The following SYN3 variants were observed in gnomAD, a reference collection of about 807,000 sequenced individuals.
The protein encoded by SYN3 is synapsin III.
In SYN3, 35 loss-of-function variants were observed where a neutral mutation model predicts 65.8. That is an observed-to-expected ratio of 0.53 (90% CI 0.41 to 0.70). SYN3 has a LOEUF of 0.70. Among genes scored for constraint, SYN3 ranks in the 30% least tolerant of loss-of-function variants. The pLI is 0.00. For missense variants in SYN3, 680 were observed against 749.0 expected, an observed-to-expected ratio of 0.91 and a Z score of 1.08; for synonymous variants, 270 against 292.9, an observed-to-expected ratio of 0.92 and a Z score of 0.80.
chr22:32,565,781 G>A (rs1005549163), intron 7 of SYN3, among the ~76,000 whole-genome samples: 6 of 151,194 alleles, frequency 4.0e-5, no homozygotes, highest in African/African-American at 1.5e-4. Context: ...GCACGATCTC[G>A]GCTCACTGCA....
intron 2 of SYN3, among the ~76,000 whole-genome samples, chr22:33,002,538 G>C (rs1190475864): frequency 6.6e-6 from 1 of 152,112 alleles, no homozygotes; most frequent in Admixed American, 6.5e-5. Flanking sequence ...CAGCTACTTG[G>C]GAGGCTGAGG....
chr22:33,058,051 G>C (rs1221382414), intron 1 of SYN3, among the ~76,000 whole-genome samples: 4 of 152,008 alleles, frequency 2.6e-5, no homozygotes, highest in Non-Finnish European at 2.9e-5. Flanking sequence ...CCCGCACGCC[G>C]ATCTGTCTGT....
At chr22:32,965,592 G>A (rs2146911346) in intron 3 of SYN3, among the ~76,000 whole-genome samples, 1 of 152,038 alleles carries the variant, frequency 6.6e-6, no homozygotes, top group African/African-American at 2.4e-5. Flanking sequence ...TTGTGTGTGT[G>A]CGTAAGAGAG....
At chr22:33,036,657 A>T (rs1356681875) in intron 1 of SYN3, among the ~76,000 whole-genome samples, 2 of 147,958 alleles carry the variant, frequency 1.4e-5, no homozygotes, top group Admixed American at 1.3e-4. Flanking sequence ...AAATTTTTTT[A>T]AATGCTGTAA....
intron 6 of SYN3, among the ~76,000 whole-genome samples, chr22:32,806,985 C>T (rs2046758988): frequency 6.6e-6 from 1 of 151,802 alleles, no homozygotes; most frequent in South Asian, 2.1e-4. Flanking sequence ...CCACATAATA[C>T]CACATATAGT....
chr22:32,708,458 A>T (rs1331497972), intron 6 of SYN3, among the ~76,000 whole-genome samples: 4 of 152,160 alleles, frequency 2.6e-5, no homozygotes, highest in Admixed American at 2.0e-4. Context: ...CTGCTGGTTT[A>T]AAAAAAGGAA....
At chr22:32,570,340 A>G (rs1322729247) in intron 7 of SYN3, among the ~76,000 whole-genome samples, 1 of 152,236 alleles carries the variant, frequency 6.6e-6, no homozygotes, top group Non-Finnish European at 1.5e-5. Flanking sequence ...ATTAAAGGCC[A>G]TTGTAAACAT....
intron 7 of SYN3, among the ~76,000 whole-genome samples, chr22:32,577,050 G>C (rs1322168314): frequency 1.3e-5 from 2 of 152,040 alleles, no homozygotes; most frequent in Non-Finnish European, 2.9e-5. Flanking sequence ...CATCACCAGG[G>C]GATAATACAA....
intron 7 of SYN3, among the ~76,000 whole-genome samples, chr22:32,571,725 G>C (rs1168256284): frequency 6.6e-6 from 1 of 152,184 alleles, no homozygotes; most frequent in Non-Finnish European, 1.5e-5. Context: ...TTCTCTGCCA[G>C]CCTTCCTAAG....
chr22:33,001,749 T>C (rs1035281559), intron 2 of SYN3, among the ~76,000 whole-genome samples: 2 of 152,208 alleles, frequency 1.3e-5, no homozygotes, highest in Admixed American at 1.3e-4. Context: ...CTCTATGACA[T>C]AGGTACTATC....
At chr22:32,647,508 A>G (rs1314546827) in intron 6 of SYN3, among the ~76,000 whole-genome samples, 1 of 148,290 alleles carries the variant, frequency 6.7e-6, no homozygotes, top group Non-Finnish European at 1.5e-5. Context: ...GTGCAGCGGT[A>G]TGATCATGGC....
At chr22:33,046,233 T>C (rs1311578561) in intron 1 of SYN3, among the ~76,000 whole-genome samples, 1 of 152,210 alleles carries the variant, frequency 6.6e-6, no homozygotes, top group Non-Finnish European at 1.5e-5. Context: ...TCATACGTTG[T>C]TGATGGAAAT....
At chr22:32,610,967 G>A (rs911377213) in intron 6 of SYN3, among the ~76,000 whole-genome samples, 1 of 152,108 alleles carries the variant, frequency 6.6e-6, no homozygotes, top group African/African-American at 2.4e-5. Flanking sequence ...TTGTATGGAT[G>A]GTGTCTGACG....
chr22:32,526,552 A>G (rs551742387), intron 12 of SYN3, among the ~76,000 whole-genome samples: 25 of 152,034 alleles, frequency 1.6e-4, no homozygotes, highest in African/African-American at 5.8e-4. Context: ...ATCTCCCTCT[A>G]TCGCCCAGGG....
intron 9 of SYN3, among the ~76,000 whole-genome samples, chr22:32,534,818 C>T (rs2058136797): frequency 6.6e-6 from 1 of 152,188 alleles, no homozygotes. Context: ...AGTCTCATCT[C>T]ATCCACCAAA....
chr22:32,932,396 T>C (rs137552), intron 3 of SYN3, among the ~76,000 whole-genome samples: 63,247 of 151,832 alleles, frequency 0.42, 13,403 homozygotes, highest in African/African-American at 0.47. Flanking sequence ...AAGAATGAGA[T>C]ACTCTTCCCT....
chr22:32,617,122 G>A (rs117577951), intron 6 of SYN3, among the ~76,000 whole-genome samples: 27 of 152,340 alleles, frequency 1.8e-4, no homozygotes, highest in African/African-American at 5.8e-4. Context: ...TACGCCGTGT[G>A]TGTATGGATG....
At chr22:32,566,275 T>G (rs188786144) in intron 7 of SYN3, among the ~76,000 whole-genome samples, 2 of 152,348 alleles carry the variant, frequency 1.3e-5, no homozygotes, top group African/African-American at 4.8e-5. Context: ...TATTTTATAC[T>G]CAGCCTATCT....
At chr22:32,876,595 T>TA (rs34952677) in intron 4 of SYN3, among the ~76,000 whole-genome samples, 2,259 of 139,228 alleles carry the variant, frequency 0.016, 40 homozygotes, top group African/African-American at 0.042. Flanking sequence ...CCTGCATTGT[T>TA]AAAAAAAAAA....
Sources: allele counts gnomAD v4.1 joint callset (sites outside exome capture counted in the v4.1 genomes callset), GRCh38; gene constraint gnomAD v4.1.1; transcripts MANE v1.5; gene names NCBI Gene and HGNC (gene_info 2026-07-23, HGNC 2026-07-21).